Variants in SAMD4A observed in about 807,000 individuals in gnomAD.
The protein encoded by SAMD4A is sterile alpha motif domain containing 4A.
In SAMD4A, 33 loss-of-function variants were observed where a neutral mutation model predicts 81.3. The ratio of observed to expected loss-of-function variants is 0.41; its 90% CI spans 0.31 to 0.54. The LOEUF is 0.54. Among genes scored for constraint, SAMD4A ranks in the 20% least tolerant of loss-of-function variants. SAMD4A has a pLI of 0.37. For synonymous variants in SAMD4A, 389 were observed against 382.1 expected (o/e 1.02, Z -0.21); for missense variants, 854 against 951.1 (o/e 0.90, Z 1.34).
Position 54,738,912 on chromosome 14 carries a change from TTG to T in SAMD4A, c.979+1629_979+1630del, listed in dbSNP as rs2140933864. On this transcript the variant is annotated intron_variant, in intron 4 of 12. Coordinates refer to ENST00000554335, the MANE Select transcript of SAMD4A (RefSeq NM_015589.6). ...AACTGTGGGGAGGAAGCATTGGCCT[TTG>T]TGTTTGAAGGGTAAGGAGGATCCTA... Among the ~76,000 whole-genome samples the T allele has an allele frequency of 2.6e-5, 4 of 152,262 alleles. 1 individual carries two copies. In the South Asian group the frequency reaches 8.3e-4, roughly 32 times the overall value.
intron 4 of SAMD4A, among the ~76,000 whole-genome samples, chr14:54,743,051 T>C (rs1171346558): frequency 3.3e-5 from 5 of 152,200 alleles, no homozygotes; most frequent in Non-Finnish European, 7.3e-5. Context: ...GGAAAAATTA[T>C]GGAGAGGTGA....
intron 2 of SAMD4A, among the ~76,000 whole-genome samples, chr14:54,584,702 T>A (rs571749554): frequency 1.3e-5 from 2 of 152,318 alleles, no homozygotes; most frequent in Admixed American, 6.5e-5. Flanking sequence ...ATTGTTAACA[T>A]GTTTTCTGAT....
At chr14:54,740,499 G>T (rs1313767411) in intron 4 of SAMD4A, among the ~76,000 whole-genome samples, 1 of 152,214 alleles carries the variant, frequency 6.6e-6, no homozygotes, top group Non-Finnish European at 1.5e-5. Flanking sequence ...TACTATAGTT[G>T]AACTTTATTT....
chr14:54,680,889 C>A (rs1226787317), intron 2 of SAMD4A, among the ~76,000 whole-genome samples: 1 of 152,158 alleles, frequency 6.6e-6, no homozygotes, highest in Admixed American at 6.5e-5. Flanking sequence ...ACCCTGCCAG[C>A]GGAGCCAGAG....
intron 3 of SAMD4A, among the ~76,000 whole-genome samples, chr14:54,713,853 C>T (rs2037052662): frequency 6.6e-6 from 1 of 152,146 alleles, no homozygotes; most frequent in Admixed American, 6.5e-5. Context: ...ACTTTGAAGT[C>T]AGACAAGTTG....
chr14:54,714,031 A>G (rs1312054546), intron 3 of SAMD4A, among the ~76,000 whole-genome samples: 1 of 152,230 alleles, frequency 6.6e-6, no homozygotes, highest in African/African-American at 2.4e-5. Flanking sequence ...CTAGCTGTTT[A>G]AAGAAGGGAA....
intron 2 of SAMD4A, among the ~76,000 whole-genome samples, chr14:54,699,055 A>G (rs568195462): frequency 1.3e-5 from 2 of 151,922 alleles, no homozygotes; most frequent in East Asian, 3.9e-4. Context: ...CCTAATTTTT[A>G]TCTTTAAATG....
At chr14:54,764,106 G>A (rs2038476306) in intron 7 of SAMD4A, among the ~76,000 whole-genome samples, 1 of 152,190 alleles carries the variant, frequency 6.6e-6, no homozygotes, top group South Asian at 2.1e-4. Flanking sequence ...CAGGGTCTTG[G>A]ATACTTCTGA....
intron 2 of SAMD4A, among the ~76,000 whole-genome samples, chr14:54,590,571 TTC>T (rs1457152289): frequency 3.3e-5 from 5 of 152,228 alleles, no homozygotes; most frequent in Non-Finnish European, 5.9e-5. Context: ...ATCTTCCCTT[TTC>T]TCTTTCCTGA....
At chr14:54,591,903 T>C (rs1023290128) in intron 2 of SAMD4A, among the ~76,000 whole-genome samples, 1 of 152,190 alleles carries the variant, frequency 6.6e-6, no homozygotes, top group Non-Finnish European at 1.5e-5. Flanking sequence ...GCCTTCTCTC[T>C]AACCTAGTTT....
At chr14:54,635,985 A>G (rs1257861129) in intron 2 of SAMD4A, among the ~76,000 whole-genome samples, 1 of 152,204 alleles carries the variant, frequency 6.6e-6, no homozygotes, top group African/African-American at 2.4e-5. Flanking sequence ...TTACATTCTA[A>G]TGGGAGGATG....
intron 9 of SAMD4A, among the ~76,000 whole-genome samples, chr14:54,770,655 G>A (rs2038678950): frequency 1.3e-5 from 2 of 152,214 alleles, no homozygotes; most frequent in African/African-American, 4.8e-5. Flanking sequence ...TATAGTTGGT[G>A]GCAGGGTGAA....
chr14:54,764,398 T>C, intron 7 of SAMD4A, 57 bp from the exon 8 acceptor site: 3 of 1,150,686 alleles, frequency 2.6e-6, no homozygotes, highest in Admixed American at 3.8e-5. Context: ...GAGAGTCAGG[T>C]CCCAGAGATT....
intron 3 of SAMD4A, among the ~76,000 whole-genome samples, chr14:54,717,170 A>G (rs1027792509): frequency 3.9e-5 from 6 of 152,090 alleles, no homozygotes; most frequent in South Asian, 2.1e-4. Flanking sequence ...TATTTTGGCA[A>G]TGGCCCACAC....
intron 4 of SAMD4A, among the ~76,000 whole-genome samples, chr14:54,743,448 G>T (rs2037892749): frequency 1.3e-5 from 2 of 152,182 alleles, no homozygotes; most frequent in South Asian, 4.1e-4. Flanking sequence ...AATTCGAAAA[G>T]TCCTGAGACT....
In SAMD4A at chr14:54,749,007, C is replaced by T. The variant is rs2038033045; in HGVS notation, c.1089+83C>T. 33 of 922,890 alleles carry T rather than the reference C, an allele frequency of 3.6e-5. No individual in the cohort carries two copies. The South Asian group carries it at 4.6e-4, about 13-fold the overall frequency. 57.2% of individuals were successfully genotyped at this position (922,890 alleles called of 1,614,324 possible). ...AAGGCCTGGACAACCTTGTTTGGAC[C>T]CATACCTATGCCCACACAGTAGCTT... is the stretch of plus-strand genomic sequence containing the variant. On this transcript the variant is annotated intron_variant, in intron 5 of 12. Coordinates refer to ENST00000554335, the MANE Select transcript of SAMD4A (RefSeq NM_015589.6).
rs945250105 is a variant in SAMD4A, at chr14:54,789,094, T to C, written c.*150T>C. 1.2e-6 allele frequency: 1 copy of C among 803,558 alleles called. No homozygotes were observed. Among genetic ancestry groups the C allele is most frequent in the African/African-American group, 1.7e-5 (1 of 58,758 alleles). The allele number at this position is 803,558 out of a possible 1,614,324, so 49.8% of individuals were successfully genotyped here. On this transcript the variant is annotated 3_prime_UTR_variant, in exon 13 of 13. Transcript: ENST00000554335. ...CTCCCGTTTTGATTTTGTGAGAGCG[T>C]AGGTCATCCTCGTAAACATATCAGT...
intron 4 of SAMD4A, among the ~76,000 whole-genome samples, chr14:54,748,132 C>T (rs1179190892): frequency 6.6e-6 from 1 of 152,194 alleles, no homozygotes; most frequent in Non-Finnish European, 1.5e-5. Flanking sequence ...CATCCGGATA[C>T]ATTCCATAGC....
At chr14:54,723,522 C>T (rs747038522) in intron 3 of SAMD4A, among the ~76,000 whole-genome samples, 1 of 152,180 alleles carries the variant, frequency 6.6e-6, no homozygotes. Context: ...TGCATTACCA[C>T]CTCCTCAAAA....
Sources: gnomAD v4.1 joint callset for allele counts (sites outside exome capture counted in the v4.1 genomes callset) on GRCh38, gnomAD v4.1.1 for gene constraint, MANE v1.5 for transcripts, NCBI Gene and HGNC (gene_info 2026-07-23, HGNC 2026-07-21) for gene names.